The following SP140L variants were observed in gnomAD, a reference collection of about 807,000 sequenced individuals.
The protein encoded by SP140L is nuclear body protein SP140-like protein.
A neutral mutation model predicts 84.3 loss-of-function variants in SP140L; 64 were observed. That is an observed-to-expected ratio of 0.76 (90% confidence interval 0.62 to 0.94). The LOEUF is 0.94. Ranked by LOEUF, SP140L falls within the 40% of genes least tolerant of loss-of-function variation. The probability of loss-of-function intolerance (pLI) is 0.00; values close to 1 mark genes in which losing one functional copy is unlikely to be tolerated. For synonymous variants in SP140L, 242 were observed against 236.9 expected, an observed-to-expected ratio of 1.02 and a Z score of -0.20; for missense variants, 628 against 692.5, an observed-to-expected ratio of 0.91 and a Z score of 1.05.
intron 4 of SP140L, 121 bp downstream of exon 4, chr2:230,359,253 A>G (rs1325558874): frequency 1.2e-6 from 1 of 841,248 alleles, no homozygotes; most frequent in Non-Finnish European, 1.9e-6. Flanking sequence ...GTAGTTAACA[A>G]AATAGACGTG....
At position 230,379,597 on chromosome 2, in the gene SP140L, T is replaced by C. The variant is rs191014735; in HGVS notation, c.638-3913T>C. Among the ~76,000 whole-genome samples the C allele has an allele frequency of 3.7e-3, 571 of 152,332 alleles. 5 individuals are homozygous for C. Among genetic ancestry groups the C allele is most frequent in the Non-Finnish European group, 6.2e-3 (420 of 68,012 alleles). ...ACTCACCATTGTTCTTTTTCTTTGG[T>C]TTCACTTTTTGTCTAGCTGAAGTGA... is the stretch of plus-strand genomic sequence containing the variant. On this transcript the variant is annotated intron_variant, in intron 7 of 18. Transcript: ENST00000415673.
chr2:230,327,878 T>C (rs16827131), intron 1 of SP140L, among the ~76,000 whole-genome samples: 3,614 of 152,140 alleles, frequency 0.024, 145 homozygotes, highest in African/African-American at 0.082. Context: ...TCTGATACAA[T>C]TGACCTTGAT....
chr2:230,368,475 T>C (rs1206706129), intron 5 of SP140L, among the ~76,000 whole-genome samples: 1 of 152,200 alleles, frequency 6.6e-6, no homozygotes, highest in Admixed American at 6.5e-5. Context: ...GACCTTCTGG[T>C]ACCTGAAGAT....
chr2:230,350,909 T>C (rs1339232258), intron 2 of SP140L, among the ~76,000 whole-genome samples: 1 of 152,158 alleles, frequency 6.6e-6, no homozygotes, highest in Admixed American at 6.5e-5. Flanking sequence ...ATCAATTCCC[T>C]AAGGCTAGAG....
At chr2:230,373,987 A>G (rs956213579) in intron 7 of SP140L, among the ~76,000 whole-genome samples, 1 of 152,206 alleles carries the variant, frequency 6.6e-6, no homozygotes, top group African/African-American at 2.4e-5. Flanking sequence ...CAGTGGAGGA[A>G]GTCACTGTAG....
Position 230,387,598 on chromosome 2 carries a change from A to G in SP140L, c.785-961A>G, listed in dbSNP as rs528977657. On this transcript the variant is annotated intron_variant, in intron 9 of 18. Transcript: ENST00000415673. ...TGGAAAATATTTTTCCATGGGGCCT[A>G]CATGACCCTGACCAGCATCCCTAGA... Among the ~76,000 whole-genome samples, 3 of 152,348 alleles carry G rather than the reference A, an allele frequency of 2.0e-5. No homozygotes were observed. In the East Asian group the frequency reaches 5.8e-4, roughly 29 times the overall value.
At chr2:230,374,775 A>G (rs1043203883) in intron 7 of SP140L, among the ~76,000 whole-genome samples, 1 of 152,214 alleles carries the variant, frequency 6.6e-6, no homozygotes, top group African/African-American at 2.4e-5. Context: ...TTTGAGCTAT[A>G]AAGTATTTTT....
At chr2:230,343,813 A>G (rs2060132693) in intron 2 of SP140L, among the ~76,000 whole-genome samples, 1 of 152,174 alleles carries the variant, frequency 6.6e-6, no homozygotes, top group South Asian at 2.1e-4. Context: ...TTGATTTGCA[A>G]AGGACATGAA....
At position 230,359,065 on chromosome 2, in the gene SP140L, A is replaced by C; in HGVS notation, c.372A>C (p.Ala124=). The C allele has an allele frequency of 1.2e-6, 2 of 1,613,868 alleles. No homozygotes were observed. The highest frequency in any genetic ancestry group is 1.7e-6 in the Non-Finnish European group (2 of 1,179,932). ...CATTTAACCTGTCAGTTTTGGAAGC[A>C]CTGTTCAGCGAGGTCAACATGCAGG... ...EKTFNLSVLE[A]LFSEVNMQEY... Residue 124 remains alanine, a synonymous_variant, in exon 4 of 19, where the codon GCA becomes GCC. Transcript: ENST00000415673.
At chr2:230,331,592 A>T (rs2059725931) in intron 2 of SP140L, among the ~76,000 whole-genome samples, 1 of 152,238 alleles carries the variant, frequency 6.6e-6, no homozygotes, top group African/African-American at 2.4e-5. Context: ...ATCTAACAAG[A>T]ATTTACATTT....
chr2:230,368,956 T>G (rs2060970645), intron 5 of SP140L, among the ~76,000 whole-genome samples: 1 of 152,260 alleles, frequency 6.6e-6, no homozygotes, highest in African/African-American at 2.4e-5. Flanking sequence ...TTATCTTCAT[T>G]GCTTTGGGGT....
intron 7 of SP140L, among the ~76,000 whole-genome samples, chr2:230,375,814 C>A (rs915856210): frequency 6.6e-6 from 1 of 152,084 alleles, no homozygotes; most frequent in Non-Finnish European, 1.5e-5. Flanking sequence ...GGCAATAACC[C>A]TTATCAAATA....
chr2:230,376,032 G>A (rs1432996234), intron 7 of SP140L, among the ~76,000 whole-genome samples: 1 of 151,942 alleles, frequency 6.6e-6, no homozygotes, highest in Non-Finnish European at 1.5e-5. Context: ...GAATTTTATG[G>A]TTTCATGTTT....
intron 13 of SP140L, among the ~76,000 whole-genome samples, chr2:230,394,206 A>G (rs1033010981): frequency 6.6e-6 from 1 of 152,174 alleles, no homozygotes; most frequent in African/African-American, 2.4e-5. Flanking sequence ...TGTGAAAGTG[A>G]TTTTTCCTTC....
intron 12 of SP140L, among the ~76,000 whole-genome samples, 167 bp downstream of exon 12, chr2:230,392,396 C>T (rs1393572347): frequency 1.3e-5 from 2 of 152,150 alleles, no homozygotes; most frequent in African/African-American, 4.8e-5. Flanking sequence ...AACCACACTA[C>T]AGTGCAACAC....
chr2:230,364,077 T>C lies in SP140L; in HGVS notation c.523+2380T>C, dbSNP rs138295423. Among the ~76,000 whole-genome samples the C allele has an allele frequency of 7.3e-4, 111 of 152,258 alleles. 2 individuals carry two copies. Among genetic ancestry groups the C allele is most frequent in the African/African-American group, 2.3e-3 (97 of 41,570 alleles). Reference sequence around the variant, plus strand: ...TTGATTATTATAGCTTTGTAGTATATATTGAAGTCAGGTAGTGTGATGCTT... The same window carrying C: ...TTGATTATTATAGCTTTGTAGTATACATTGAAGTCAGGTAGTGTGATGCTT... On this transcript the variant is annotated intron_variant, in intron 5 of 18. Coordinates refer to ENST00000415673, the MANE Select transcript of SP140L (RefSeq NM_138402.6).
rs1047576640 is a variant in SP140L, at chr2:230,339,444, C to T, written c.107+10613C>T. Reference sequence around the variant, plus strand: ...CAATTTTGTTGATCCTTTCAAAAAACCAGCTCCTGGATTCATTAATTTTTG... The same window carrying T: ...CAATTTTGTTGATCCTTTCAAAAAATCAGCTCCTGGATTCATTAATTTTTG... On this transcript the variant is annotated intron_variant, in intron 2 of 18. Transcript: ENST00000415673. 1.3e-4 allele frequency among the ~76,000 whole-genome samples: 20 copies of T among 151,776 alleles called. 1 individual carries two copies. The South Asian group carries it at 4.2e-3, about 32-fold the overall frequency.
intron 7 of SP140L, among the ~76,000 whole-genome samples, chr2:230,376,483 A>G (rs1368769041): frequency 6.6e-6 from 1 of 152,336 alleles, no homozygotes; most frequent in South Asian, 2.1e-4. Flanking sequence ...TCCCATTTAC[A>G]ATAGCAACAA....
chr2:230,361,522 C>A, intron 4 of SP140L, 92 bp from the exon 5 acceptor site: 1 of 910,548 alleles, frequency 1.1e-6, no homozygotes, highest in Non-Finnish European at 1.8e-6. Context: ...CTGAGTCAGC[C>A]TAATGCTGGA....
Sources: gnomAD v4.1 joint callset for allele counts (sites outside exome capture counted in the v4.1 genomes callset) on GRCh38, gnomAD v4.1.1 for gene constraint, MANE v1.5 for transcripts, NCBI Gene and HGNC (gene_info 2026-07-23, HGNC 2026-07-21) for gene names.